Variants in IL17RB observed in about 807,000 individuals in gnomAD.
IL17RB encodes interleukin-17 receptor B.
In IL17RB, 36 loss-of-function variants were observed where a neutral mutation model predicts 43.9. That is an observed-to-expected ratio of 0.82 (90% CI 0.63 to 1.08). IL17RB has a LOEUF of 1.08. Ranked by LOEUF, IL17RB falls within the 50% of genes least tolerant of loss-of-function variation. The pLI, the probability that IL17RB is intolerant of heterozygous loss-of-function variation, is 0.00. For synonymous variants in IL17RB, 225 were observed against 225.4 expected (o/e 1.00, Z 0.02); for missense variants, 613 against 613.6 (o/e 1.00, Z 0.01).
Position 53,865,128 on chromosome 3 carries a change from C to G in IL17RB, c.1329C>G (p.Tyr443Ter). 1 of 1,614,154 alleles carries G rather than the reference C, an allele frequency of 6.2e-7. No individual in the cohort carries two copies. ...GAAGCCAGATTCATCTGCACAAATA[C>G]GTGGTGGTCTACTTTAGAGAGATTG... ...DLRSQIHLHK[Y>*]VVVYFREIDT... The change falls in exon 11 of 11, where the codon TAC (tyrosine) becomes TAG (stop). Residue 443 changes from tyrosine to a stop codon, truncating the protein, a stop_gained. Transcript: ENST00000288167. LOFTEE classifies it low-confidence loss of function (END_TRUNC).
At chr3:53,861,284 A>T (rs1454512360) in intron 10 of IL17RB, 1 of 150,032 alleles carries the variant, frequency 6.7e-6, no homozygotes, top group Non-Finnish European at 1.5e-5. Context: ...TCATGAAAAA[A>T]AGCAAAAAAA....
At chr3:53,857,501 T>C in intron 7 of IL17RB, 115 bp from the exon 8 acceptor site, 5 of 858,800 alleles carry the variant, frequency 5.8e-6, no homozygotes, top group Middle Eastern at 4.4e-4. Flanking sequence ...CCCAGGCTGG[T>C]CTCAAAATAC....
intron 6 of IL17RB, among the ~76,000 whole-genome samples, chr3:53,855,796 G>A (rs1699313747): frequency 6.6e-6 from 1 of 152,172 alleles, no homozygotes; most frequent in Non-Finnish European, 1.5e-5. Flanking sequence ...GTTCGCTAAA[G>A]GACTGGCCCA....
intron 10 of IL17RB, among the ~76,000 whole-genome samples, chr3:53,862,812 T>G (rs1231892692): frequency 6.6e-6 from 1 of 152,188 alleles, no homozygotes; most frequent in Non-Finnish European, 1.5e-5. Context: ...AAGCAAGTGG[T>G]GGAGGAAGGA....
rs536750134 is a variant in IL17RB, at chr3:53,857,588, C to T, written c.673-28C>T. 5.4e-5 allele frequency: 87 copies of T among 1,609,776 alleles called. No homozygotes were observed. In the South Asian group the frequency reaches 8.2e-4, roughly 15 times the overall value. On this transcript the variant is annotated intron_variant, in intron 7 of 10. Coordinates refer to ENST00000288167, the MANE Select transcript of IL17RB (RefSeq NM_018725.4). Reference sequence around the variant, plus strand: ...GGGTGAGCCAGTGCACCTGGCACCTCATAATTCTTGACTCTCTCTCTCTTA... The same window carrying T: ...GGGTGAGCCAGTGCACCTGGCACCTTATAATTCTTGACTCTCTCTCTCTTA...
In IL17RB at chr3:53,860,245, T is replaced by C; in HGVS notation, c.946+17T>C. ...GGAGGCACGGTAAGGGTTATAATTC[T>C]TTAAAGACATCCTAGTAAGGAAATA... On this transcript the variant is annotated intron_variant, in intron 10 of 10. Coordinates refer to ENST00000288167, the MANE Select transcript of IL17RB (RefSeq NM_018725.4). The C allele has an allele frequency of 7.6e-6, 12 of 1,570,236 alleles. No homozygotes were observed. Among genetic ancestry groups the C allele is most frequent in the Non-Finnish European group, 1.0e-5 (12 of 1,148,924 alleles).
chr3:53,860,374 A>G (rs1699518387), intron 10 of IL17RB, 146 bp downstream of exon 10: 3 of 557,640 alleles, frequency 5.4e-6, no homozygotes, highest in African/African-American at 1.9e-5. Flanking sequence ...GTGCTCCTAC[A>G]GAGACTGATA....
chr3:53,859,922 ATT>A, intron 9 of IL17RB: 1 of 458,006 alleles, frequency 2.2e-6, no homozygotes, highest in Non-Finnish European at 3.9e-6. Flanking sequence ...CTGAGGCAGC[ATT>A]GCTTGAACCC....
At chr3:53,857,574 T>G in intron 7 of IL17RB, 42 bp from the exon 8 acceptor site, 2 of 1,573,232 alleles carry the variant, frequency 1.3e-6, no homozygotes, top group Non-Finnish European at 1.8e-6. Context: ...GGTGAGCCAG[T>G]GCACCTGGCA....
intron 10 of IL17RB, 191 bp downstream of exon 10, chr3:53,860,419 C>G (rs1699520711): frequency 4.6e-6 from 2 of 430,258 alleles, no homozygotes; most frequent in Non-Finnish European, 4.1e-6. Flanking sequence ...CAGGTGAAAG[C>G]AGGGTCAGGA....
At chr3:53,857,796 G>A (rs1374938000) in intron 8 of IL17RB, 106 bp downstream of exon 8, 4 of 1,017,024 alleles carry the variant, frequency 3.9e-6, no homozygotes, top group Non-Finnish European at 6.1e-6. Context: ...ACTTCTGCCA[G>A]CAGACACCAG....
chr3:53,847,974 G>C (rs1233194547), intron 1 of IL17RB, among the ~76,000 whole-genome samples: 1 of 152,196 alleles, frequency 6.6e-6, no homozygotes, highest in Non-Finnish European at 1.5e-5. Flanking sequence ...GTATCACATT[G>C]AGTCTTGTCA....
chr3:53,865,045 A>G lies in IL17RB; in HGVS notation c.1246A>G (p.Ser416Gly), dbSNP rs1363890352. 9 of 1,614,116 alleles carry G rather than the reference A, an allele frequency of 5.6e-6. No homozygotes were observed. Among genetic ancestry groups the G allele is most frequent in the Non-Finnish European group, 7.6e-6 (9 of 1,180,050 alleles). ...CTGTGGCAAGAGCGAGGGCAGTCCC[A>G]GTGAGAACTCTCAAGACCTCTTCCC... ...GTCGKSEGSP[S>G]ENSQDLFPLA... Residue 416 changes from serine (S) to glycine (G), a missense_variant, in exon 11 of 11, where the codon AGT becomes GGT. Physicochemically the swap from Ser to Gly is moderately conservative, Grantham distance 56 (BLOSUM62 0). Transcript: ENST00000288167.
intron 3 of IL17RB, among the ~76,000 whole-genome samples, chr3:53,850,815 TAA>T (rs773100202): frequency 6.6e-5 from 10 of 151,710 alleles, no homozygotes; most frequent in Non-Finnish European, 1.0e-4. Context: ...TAAAATAAAA[TAA>T]AATAAAATAA....
intron 2 of IL17RB, among the ~76,000 whole-genome samples, chr3:53,849,256 G>A (rs1699045156): frequency 6.6e-6 from 1 of 152,208 alleles, no homozygotes; most frequent in Non-Finnish European, 1.5e-5. Context: ...ACATACACAG[G>A]TACCTGGAGT....
intron 10 of IL17RB, chr3:53,861,137 C>T (rs1365861441): frequency 1.3e-5 from 2 of 152,146 alleles, no homozygotes; most frequent in Non-Finnish European, 2.9e-5. Flanking sequence ...CAGTAAATTA[C>T]ATATCACAGT....
intron 10 of IL17RB, among the ~76,000 whole-genome samples, chr3:53,863,712 C>A (rs1196786835): frequency 6.6e-6 from 1 of 152,080 alleles, no homozygotes; most frequent in Non-Finnish European, 1.5e-5. Flanking sequence ...GAAGACAGTA[C>A]AAGCAACTAC....
At position 53,852,929 on chromosome 3, in the gene IL17RB, C is replaced by A. The variant is rs2107010860; in HGVS notation, c.413C>A (p.Ala138Asp). 3 of 1,612,826 alleles carry A rather than the reference C, an allele frequency of 1.9e-6. No homozygotes were observed. The highest frequency in any genetic ancestry group is 2.2e-5 in the East Asian group (1 of 44,872). Residue 138 changes from alanine to aspartate, a missense_variant, in exon 5 of 11, where the codon GCC becomes GAC. Transcript: ENST00000288167. ...CTGAACACAGTCTATTTCATTGGGG[C>A]CCATAATATTCCTAATGCAAATATG... ...VELNTVYFIG[A>D]HNIPNANMNE...
At chr3:53,851,730 A>C (rs944124586) in intron 3 of IL17RB, among the ~76,000 whole-genome samples, 3 of 152,082 alleles carry the variant, frequency 2.0e-5, no homozygotes, top group Non-Finnish European at 1.5e-5. Context: ...ATTCAAGCTG[A>C]CCTATGAGGA....
Sources: allele counts gnomAD v4.1 joint callset (sites outside exome capture counted in the v4.1 genomes callset), GRCh38; gene constraint gnomAD v4.1.1; transcripts MANE v1.5; gene names NCBI Gene and HGNC (gene_info 2026-07-23, HGNC 2026-07-21).